Variants in STOML3 observed in about 807,000 individuals in gnomAD.
STOML3 encodes the protein stomatin-like protein 3.
Under a neutral mutation model 29.5 loss-of-function variants are expected in STOML3, and 31 were observed. That is an observed-to-expected ratio of 1.05 (90% confidence interval 0.79 to 1.42). The LOEUF is 1.42. Ranked by LOEUF, STOML3 falls within the 40% of genes most tolerant of loss-of-function variation. The pLI, the probability that STOML3 is intolerant of heterozygous loss-of-function variation, is 0.00. For synonymous variants in STOML3, 122 were observed against 139.8 expected (o/e 0.87, Z 0.90); for missense variants, 380 against 363.0 (o/e 1.05, Z -0.38).
chr13:38,968,377 T>C (rs368435853), intron 6 of STOML3, 23 bp downstream of exon 6: 1 of 1,613,544 alleles, frequency 6.2e-7, no homozygotes, highest in Non-Finnish European at 8.5e-7. Context: ...TCTCCCTCCA[T>C]GTGTGAACTG....
chr13:38,987,552 A>G (rs1868632316), intron 1 of STOML3, among the ~76,000 whole-genome samples: 1 of 150,678 alleles, frequency 6.6e-6, no homozygotes, highest in African/African-American at 2.4e-5. Flanking sequence ...CCTGCTGGAA[A>G]GGATAACAAG....
Position 38,966,660 on chromosome 13 carries a change from T to G in STOML3, c.*165A>C, listed in dbSNP as rs1372062921. 8.7e-6 allele frequency: 5 copies of G among 574,212 alleles called. No homozygotes were observed. Among genetic ancestry groups the G allele is most frequent in the Non-Finnish European group, 3.0e-6 (1 of 330,400 alleles). The allele number at this position is 574,212 out of a possible 1,614,324, so 35.6% of individuals were successfully genotyped here. A position where few individuals can be genotyped will look rare whatever the true frequency, so the allele number is the denominator to read the frequency against. Reference sequence around the variant, plus strand: ...ATACAGGTCTCATTTTTGCTCTTTTTTTCTTCTCTGTATAGCCTCTAGAGC... The same window carrying G: ...ATACAGGTCTCATTTTTGCTCTTTTGTTCTTCTCTGTATAGCCTCTAGAGC... On this transcript the variant is annotated 3_prime_UTR_variant, in exon 7 of 7. Coordinates refer to ENST00000379631, the MANE Select transcript of STOML3 (RefSeq NM_145286.3).
At chr13:38,987,276 A>T (rs1013461733) in intron 1 of STOML3, among the ~76,000 whole-genome samples, 2 of 152,022 alleles carry the variant, frequency 1.3e-5, no homozygotes, top group Admixed American at 6.6e-5. Context: ...TAATCCTAGC[A>T]CTTTGGGAGG....
At chr13:38,972,424 T>C in intron 4 of STOML3, 88 bp downstream of exon 4, 1 of 1,370,382 alleles carries the variant, frequency 7.3e-7, no homozygotes, top group Non-Finnish European at 1.0e-6. Context: ...CTCCTATAGT[T>C]TAAAAGTGAA....
chr13:38,968,353 C>G lies in STOML3; in HGVS notation c.651+47G>C, dbSNP rs143230991. 12,836 of 1,595,446 alleles carry G rather than the reference C, an allele frequency of 8.0e-3. 77 individuals are homozygous for G. Among genetic ancestry groups the G allele is most frequent in the Non-Finnish European group, 0.01 (11,716 of 1,165,990 alleles). The stretch of plus-strand genomic sequence containing the variant: ...GTTCAAGTCCTATCCTTGTTGGCCC[C>G]AACACTAGGCAGTTCTCCCTCCATG... On this transcript the variant is annotated intron_variant, in intron 6 of 6. Coordinates refer to ENST00000379631, the MANE Select transcript of STOML3 (RefSeq NM_145286.3).
rs184050493 is a variant in STOML3, at chr13:38,977,822, C to T, written c.53-1025G>A. Among the ~76,000 whole-genome samples the T allele has an allele frequency of 3.4e-3, 482 of 142,912 alleles. 1 individual carries two copies. Among genetic ancestry groups the T allele is most frequent in the Non-Finnish European group, 4.6e-3 (310 of 66,710 alleles). 93.8% of individuals were successfully genotyped at this position (142,912 alleles called of 152,430 possible). ...TCGCCCAGGCTGGAGTACAGTGGCGCGCTCTTGGCTCACTGCAAGCTCCGC... is the reference window on the plus strand; with the variant it reads ...TCGCCCAGGCTGGAGTACAGTGGCGTGCTCTTGGCTCACTGCAAGCTCCGC... On this transcript the variant is annotated intron_variant, in intron 1 of 6. Coordinates refer to ENST00000379631, the MANE Select transcript of STOML3 (RefSeq NM_145286.3).
At chr13:38,982,715 G>C (rs894097125) in intron 1 of STOML3, among the ~76,000 whole-genome samples, 9 of 152,086 alleles carry the variant, frequency 5.9e-5, no homozygotes, top group African/African-American at 2.2e-4. Context: ...TAAATAAGAT[G>C]GTTACAAGTT....
chr13:38,990,588 C>T lies in STOML3; in HGVS notation c.52+82G>A, dbSNP rs946955985. The T allele has an allele frequency of 2.9e-5, 42 of 1,435,632 alleles. No individual in the cohort carries two copies. In the African/African-American group the frequency reaches 5.2e-4, roughly 18 times the overall value. The allele number at this position is 1,435,632 out of a possible 1,614,324, so 88.9% of individuals were successfully genotyped here. A position where few individuals can be genotyped will look rare whatever the true frequency, so the allele number is the denominator to read the frequency against. ...TTTCTGCAAATATATCTCATACTTA[C>T]TCTATACCTGTCTATAATGCTACAA... On this transcript the variant is annotated intron_variant, in intron 1 of 6. Transcript: ENST00000379631.
At chr13:38,972,682 G>A in intron 3 of STOML3, 88 bp from the exon 4 acceptor site, 2 of 1,123,250 alleles carry the variant, frequency 1.8e-6, no homozygotes, top group South Asian at 2.7e-5. Context: ...CATTTACATG[G>A]GGCGATACAT....
intron 3 of STOML3, 52 bp downstream of exon 3, chr13:38,976,488 G>T (rs915836822): frequency 2.5e-6 from 4 of 1,590,710 alleles, no homozygotes; most frequent in Non-Finnish European, 3.4e-6. Context: ...GGTGGTAGCA[G>T]TAGTATTAGG....
intron 1 of STOML3, among the ~76,000 whole-genome samples, chr13:38,985,418 G>A (rs1048746032): frequency 6.6e-6 from 1 of 151,912 alleles, no homozygotes; most frequent in Non-Finnish European, 1.5e-5. Flanking sequence ...GCGAGAGAGA[G>A]ACTTTGTCTC....
At chr13:38,970,457 G>A in intron 4 of STOML3, 69 bp from the exon 5 acceptor site, 1 of 1,321,242 alleles carries the variant, frequency 7.6e-7, no homozygotes, top group Non-Finnish European at 1.1e-6. Context: ...GTGACAGCCA[G>A]CCCAAGAGCC....
chr13:38,982,521 T>C (rs181462465), intron 1 of STOML3, among the ~76,000 whole-genome samples: 216 of 152,300 alleles, frequency 1.4e-3, no homozygotes, highest in African/African-American at 5.1e-3. Context: ...CAGTTTCTGT[T>C]GGAAGTAAAA....
intron 1 of STOML3, among the ~76,000 whole-genome samples, chr13:38,988,460 ATATTTT>A (rs1868795541): frequency 2.7e-5 from 3 of 109,404 alleles, no homozygotes; most frequent in South Asian, 6.0e-4. Context: ...TTTATATCAT[ATATTTT>A]ATATATAATA....
At chr13:38,978,063 G>C (rs1881151205) in intron 1 of STOML3, among the ~76,000 whole-genome samples, 1 of 151,618 alleles carries the variant, frequency 6.6e-6, no homozygotes, top group Non-Finnish European at 1.5e-5. Flanking sequence ...CCCGGCCAGG[G>C]ATCCTTGTTT....
At position 38,980,971 on chromosome 13, in the gene STOML3, G is replaced by A. The variant is rs536673974; in HGVS notation, c.53-4174C>T. Among the ~76,000 whole-genome samples, 4 of 152,266 alleles carry A rather than the reference G, an allele frequency of 2.6e-5. No homozygotes were observed. The South Asian group carries it at 8.3e-4, about 32-fold the overall frequency. Reference sequence around the variant, plus strand: ...GAGACTTCCCCCTGTGTGTGGCTGTGACAACAGCAGCAAAATATTTAATCA... The same window carrying A: ...GAGACTTCCCCCTGTGTGTGGCTGTAACAACAGCAGCAAAATATTTAATCA... On this transcript the variant is annotated intron_variant, in intron 1 of 6. Coordinates refer to ENST00000379631, the MANE Select transcript of STOML3 (RefSeq NM_145286.3).
chr13:38,985,902 C>CTTTTTTTTTTT, intron 1 of STOML3, among the ~76,000 whole-genome samples: 1 of 35,438 alleles, frequency 2.8e-5, no homozygotes, highest in Non-Finnish European at 5.7e-5. Flanking sequence ...TTTTTTTTTT[C>CTTTTTTTTTTT]TTTTCTTTCT....
Position 38,979,964 on chromosome 13 carries a change from G to T in STOML3, c.53-3167C>A, listed in dbSNP as rs1881216649. ...GGACACCAGCTGTGCTTAATGCCTG[G>T]AGCCAAGCCCTGGACATTTCCAAAG... On this transcript the variant is annotated intron_variant, in intron 1 of 6. Coordinates refer to ENST00000379631, the MANE Select transcript of STOML3 (RefSeq NM_145286.3). The T allele has an allele frequency of 3.0e-6, 4 of 1,349,142 alleles. No individual in the cohort carries two copies. The East Asian group carries it at 1.0e-4, about 34-fold the overall frequency. 83.6% of individuals were successfully genotyped at this position (1,349,142 alleles called of 1,614,324 possible).
rs1275167746 is a variant in STOML3, at chr13:38,976,742, G to C, written c.108C>G (p.Phe36Leu). ...TGGGGAAGGTAATGATCACCAACAGGAAAGAGAGGGAAAACAGGATCCAGC... is the reference window on the plus strand; with the variant it reads ...TGGGGAAGGTAATGATCACCAACAGCAAAGAGAGGGAAAACAGGATCCAGC... ...VCGWILFSLSFLLVIITFPIS... is the reference protein window; with the variant it reads ...VCGWILFSLSLLLVIITFPIS... Residue 36 changes from phenylalanine (F) to leucine (L), a missense_variant, in exon 2 of 7, where the codon TTC becomes TTG. By Grantham distance (22) the Phe-to-Leu change is conservative. Transcript: ENST00000379631. 1 of 1,614,022 alleles carries C rather than the reference G, an allele frequency of 6.2e-7. No homozygotes were observed. Among genetic ancestry groups the C allele is most frequent in the Admixed American group, 1.7e-5 (1 of 59,988 alleles).
Sources: allele counts gnomAD v4.1 joint callset (sites outside exome capture counted in the v4.1 genomes callset), GRCh38; gene constraint gnomAD v4.1.1; transcripts MANE v1.5; gene names NCBI Gene and HGNC (gene_info 2026-07-23, HGNC 2026-07-21).